CAMK2A: variants seen among roughly 807,000 people sequenced by gnomAD.
The protein encoded by CAMK2A is calcium/calmodulin dependent protein kinase II alpha, also known as calcium/calmodulin-dependent protein kinase type II subunit alpha.
In CAMK2A, 7 loss-of-function variants were observed where a neutral mutation model predicts 79.2. The observed-to-expected ratio is 0.09, with a 90% CI of 0.05 to 0.17. CAMK2A has a LOEUF of 0.17. CAMK2A is among the 10% of genes least tolerant of loss of function. The pLI is 1.00. For synonymous variants in CAMK2A, 242 were observed against 251.7 expected (o/e 0.96, Z 0.36); for missense variants, 214 against 646.4 (o/e 0.33, Z 7.25).
At position 150,223,367 on chromosome 5, in the gene CAMK2A, T is replaced by A. The variant is rs978547387; in HGVS notation, c.1238-150A>T. 2.4e-5 allele frequency: 15 copies of A among 636,140 alleles called. No homozygotes were observed. The highest frequency in any genetic ancestry group is 8.2e-4 in the Middle Eastern group (2 of 2,434). The allele number at this position is 636,140 out of a possible 1,614,324, so 39.4% of individuals were successfully genotyped here. A position where few individuals can be genotyped will look rare whatever the true frequency, so the allele number is the denominator to read the frequency against. ...AGGGGCCTGTGTGGCAGGACTCAGC[T>A]ACCTGGGATCAAGGTAGAACTTCTA... is the stretch of plus-strand genomic sequence containing the variant. On this transcript the variant is annotated intron_variant, in intron 17 of 18. Coordinates refer to ENST00000671881, the MANE Select transcript of CAMK2A (RefSeq NM_015981.4). This position sits in a 1 kb window ranked among gnomAD's most constrained non-coding sequence, Gnocchi z 4.1.
In CAMK2A at chr5:150,284,660, C is replaced by T. The variant is rs1757350954; in HGVS notation, c.62+4904G>A. Reference sequence around the variant, plus strand: ...AGGAAAGCTCGTCCCTTCCCTGTTCCTGCCACCCTTTCCTTGAGGTCCTGC... The same window carrying T: ...AGGAAAGCTCGTCCCTTCCCTGTTCTTGCCACCCTTTCCTTGAGGTCCTGC... On this transcript the variant is annotated intron_variant, in intron 1 of 18. Transcript: ENST00000671881. The surrounding 1 kb of genome is among the most constrained non-coding windows in gnomAD (Gnocchi z 5.3). Among the ~76,000 whole-genome samples, 1 of 152,176 alleles carries T rather than the reference C, an allele frequency of 6.6e-6. No homozygotes were observed. Among genetic ancestry groups the T allele is most frequent in the Non-Finnish European group, 1.5e-5 (1 of 68,028 alleles).
upstream of CAMK2A, chr5:150,289,939 C>T (rs1422438653): frequency 2.5e-5 from 10 of 405,068 alleles, no homozygotes; most frequent in East Asian, 2.8e-4. Context: ...CTGACCATAC[C>T]GCACACAATA....
In CAMK2A at chr5:150,221,203, G is replaced by T. The variant is rs547971932; in HGVS notation, c.*1507C>A. The T allele has an allele frequency of 5.2e-6, 2 of 382,190 alleles. No individual in the cohort carries two copies. Among genetic ancestry groups the T allele is most frequent in the Middle Eastern group, 6.6e-4 (1 of 1,508 alleles). The allele number at this position is 382,190 out of a possible 1,614,324, so 23.7% of individuals were successfully genotyped here. On this transcript the variant is annotated 3_prime_UTR_variant, in exon 19 of 19. Transcript: ENST00000671881. ...TGTTTGTTTTCAACATACTTACTGC[G>T]TATAAAGTCATGCAAAGAAAACAGT...
chr5:150,277,721 G>T (rs570641865), intron 1 of CAMK2A, among the ~76,000 whole-genome samples: 114 of 152,300 alleles, frequency 7.5e-4, no homozygotes, highest in African/African-American at 2.7e-3. Flanking sequence ...CTCAGAGAGA[G>T]GAGTTTCTCA....
At chr5:150,239,792 G>A in intron 13 of CAMK2A, 56 bp from the exon 14 acceptor site, 1 of 1,490,688 alleles carries the variant, frequency 6.7e-7, no homozygotes, top group East Asian at 2.3e-5. Flanking sequence ...GAAAACGGCA[G>A]GGAGCAGAGG....
chr5:150,258,922 G>C (rs1194660743), intron 3 of CAMK2A, among the ~76,000 whole-genome samples: 3 of 152,144 alleles, frequency 2.0e-5, no homozygotes, highest in East Asian at 3.9e-4. Context: ...GCTCACGCTT[G>C]TAATCCCAGC....
At chr5:150,288,414 C>T (rs552108227) in intron 1 of CAMK2A, among the ~76,000 whole-genome samples, 11 of 152,294 alleles carry the variant, frequency 7.2e-5, no homozygotes, top group East Asian at 1.9e-4. Context: ...GCCTTACACA[C>T]GAAGCACCTC....
rs1360271501 is a variant in CAMK2A, at chr5:150,223,936, T to C, written c.1238-719A>G. On this transcript the variant is annotated intron_variant, in intron 17 of 18. Transcript: ENST00000671881. This position sits in a 1 kb window ranked among gnomAD's most constrained non-coding sequence, Gnocchi z 4.1. ...CTGAAGTATATCTACTTCTACTGTATATCTACTTCTACTGTAGATATACAG... is the reference window on the plus strand; with the variant it reads ...CTGAAGTATATCTACTTCTACTGTACATCTACTTCTACTGTAGATATACAG... Among the ~76,000 whole-genome samples the C allele has an allele frequency of 6.6e-6, 1 of 152,228 alleles. No homozygotes were observed. The highest frequency in any genetic ancestry group is 1.5e-5 in the Non-Finnish European group (1 of 68,030).
intron 2 of CAMK2A, 48 bp from the exon 3 acceptor site, chr5:150,265,063 A>G: frequency 7.4e-7 from 1 of 1,354,234 alleles, no homozygotes; most frequent in South Asian, 1.2e-5. Flanking sequence ...AGGAACCATT[A>G]CCCTCCATCT....
At chr5:150,246,104 G>C (rs1011432357) in intron 12 of CAMK2A, among the ~76,000 whole-genome samples, 3 of 152,256 alleles carry the variant, frequency 2.0e-5, no homozygotes, top group East Asian at 3.8e-4. Flanking sequence ...GTGGCCTTGA[G>C]AGGGGGAGTT....
chr5:150,277,412 G>C (rs779673914), intron 1 of CAMK2A, among the ~76,000 whole-genome samples: 21 of 152,222 alleles, frequency 1.4e-4, no homozygotes, highest in Non-Finnish European at 2.6e-4. Flanking sequence ...GCACTGATGG[G>C]GGCCAGCGAG....
rs148167783 is a variant in CAMK2A, at chr5:150,253,820, G to A, written c.412-274C>T. 4.3e-3 allele frequency among the ~76,000 whole-genome samples: 652 copies of A among 152,278 alleles called. 6 individuals are homozygous for A. Among genetic ancestry groups the A allele is most frequent in the African/African-American group, 0.015 (624 of 41,514 alleles). Reference sequence around the variant, plus strand: ...CCACTTCAAGATCTGGGGCTGGGCTGAGGTGAGAGCGGGGTGGTACATTCA... The same window carrying A: ...CCACTTCAAGATCTGGGGCTGGGCTAAGGTGAGAGCGGGGTGGTACATTCA... On this transcript the variant is annotated intron_variant, in intron 6 of 18. Coordinates refer to ENST00000671881, the MANE Select transcript of CAMK2A (RefSeq NM_015981.4).
At chr5:150,232,210 TCC>T (rs1303186620) in intron 15 of CAMK2A, among the ~76,000 whole-genome samples, 2 of 152,222 alleles carry the variant, frequency 1.3e-5, no homozygotes, top group Non-Finnish European at 2.9e-5. Flanking sequence ...ACTGTCCAGG[TCC>T]TCAAGCTGTG....
chr5:150,250,447 G>A (rs1299375681), intron 10 of CAMK2A, 138 bp from the exon 11 acceptor site: 1 of 825,296 alleles, frequency 1.2e-6, no homozygotes, highest in East Asian at 2.6e-5. Context: ...TCTAGGAGAT[G>A]CTTCAGGGTG....
Position 150,219,776 on chromosome 5 carries a change from A to G in CAMK2A, c.*2934T>C, listed in dbSNP as rs1049047467. 2.0e-5 allele frequency: 3 copies of G among 152,308 alleles called. No homozygotes were observed. Among genetic ancestry groups the G allele is most frequent in the African/African-American group, 4.8e-5 (2 of 41,346 alleles). 9.4% of individuals were successfully genotyped at this position (152,308 alleles called of 1,614,324 possible). A position where few individuals can be genotyped will look rare whatever the true frequency, so the allele number is the denominator to read the frequency against. ...GAGGCCTTGGGTCAGGATTCGCACC[A>G]TGGTGGGCACAAACCCAGGAGAACA... On this transcript the variant is annotated 3_prime_UTR_variant, in exon 19 of 19. Coordinates refer to ENST00000671881, the MANE Select transcript of CAMK2A (RefSeq NM_015981.4).
chr5:150,265,449 G>A (rs946155528), intron 2 of CAMK2A: 35 of 169,234 alleles, frequency 2.1e-4, no homozygotes. Flanking sequence ...GCCGTTCACT[G>A]GCCATCACTC....
chr5:150,245,853 TG>T (rs1402763986), intron 12 of CAMK2A, among the ~76,000 whole-genome samples: 1 of 152,230 alleles, frequency 6.6e-6, no homozygotes, highest in East Asian at 1.9e-4. Flanking sequence ...AACAGCTCTT[TG>T]GGGGCTTCCC....
rs949354329 is a variant in CAMK2A, at chr5:150,219,737, T to C, written c.*2973A>G. On this transcript the variant is annotated 3_prime_UTR_variant, in exon 19 of 19. Transcript: ENST00000671881. The stretch of plus-strand genomic sequence containing the variant: ...ACTCATCCCCCAAAAGGGTCTCCCT[T>C]TGAAGGGAGACAGGAGGCCTTGGGT... The C allele has an allele frequency of 6.6e-6, 1 of 151,982 alleles. No homozygotes were observed. Among genetic ancestry groups the C allele is most frequent in the Non-Finnish European group, 1.5e-5 (1 of 67,890 alleles). 9.4% of individuals were successfully genotyped at this position (151,982 alleles called of 1,614,324 possible). A position where few individuals can be genotyped will look rare whatever the true frequency, so the allele number is the denominator to read the frequency against.
intron 15 of CAMK2A, among the ~76,000 whole-genome samples, chr5:150,232,676 C>A (rs1395074890): frequency 6.6e-6 from 1 of 152,200 alleles, no homozygotes; most frequent in African/African-American, 2.4e-5. Flanking sequence ...ATTGCAAGCT[C>A]AGGCCTGGCC....
Sources: gnomAD v4.1 joint callset for allele counts (sites outside exome capture counted in the v4.1 genomes callset) on GRCh38, gnomAD v4.1.1 for gene constraint, Gnocchi (gnomAD v3.1) non-coding constraint, MANE v1.5 for transcripts, NCBI Gene and HGNC (gene_info 2026-07-23, HGNC 2026-07-21) for gene names.